Variants in PACSIN2 observed in about 807,000 individuals in gnomAD.
PACSIN2 encodes the protein protein kinase C and casein kinase substrate in neurons protein 2.
PACSIN2 carries 25 observed loss-of-function variants against 63.8 expected under a neutral mutation model. The ratio of observed to expected loss-of-function variants is 0.39; its 90% CI spans 0.29 to 0.55. The LOEUF is 0.55. Ranked by LOEUF, PACSIN2 falls within the 20% of genes least tolerant of loss-of-function variation. The pLI, the probability that PACSIN2 is intolerant of heterozygous loss-of-function variation, is 0.62. For synonymous variants in PACSIN2, 255 were observed against 256.2 expected (o/e 1.00, Z 0.05); for missense variants, 518 against 646.9 (o/e 0.80, Z 2.16).
At chr22:42,958,103 A>C (rs1933989544) in intron 1 of PACSIN2, among the ~76,000 whole-genome samples, 1 of 152,184 alleles carries the variant, frequency 6.6e-6, no homozygotes, top group African/African-American at 2.4e-5. Flanking sequence ...AGAAAAAAAA[A>C]ACACTCTTAG....
intron 1 of PACSIN2, among the ~76,000 whole-genome samples, chr22:43,005,797 G>T (rs1334267724): frequency 6.6e-6 from 1 of 152,112 alleles, no homozygotes; most frequent in African/African-American, 2.4e-5. Flanking sequence ...ATCCTATGAG[G>T]AAGGGCTCTC....
chr22:42,946,066 T>G (rs1339039359), intron 1 of PACSIN2, among the ~76,000 whole-genome samples: 1 of 152,154 alleles, frequency 6.6e-6, no homozygotes, highest in African/African-American at 2.4e-5. Flanking sequence ...CTCCACCCCT[T>G]CACACACACT....
chr22:42,892,369 C>T (rs980117624), intron 3 of PACSIN2, among the ~76,000 whole-genome samples: 1 of 152,150 alleles, frequency 6.6e-6, no homozygotes, highest in Non-Finnish European at 1.5e-5. Flanking sequence ...GACTCTGGGG[C>T]TTGGAGACAA....
intron 1 of PACSIN2, among the ~76,000 whole-genome samples, chr22:42,916,609 C>T (rs8142102): frequency 0.45 from 67,577 of 151,766 alleles, 15,578 homozygotes; most frequent in Non-Finnish European, 0.48. Flanking sequence ...CTCACCCTGA[C>T]AAGCCTCCCT....
intron 1 of PACSIN2, among the ~76,000 whole-genome samples, chr22:42,928,289 G>C (rs1361346563): frequency 2.0e-5 from 3 of 152,210 alleles, no homozygotes; most frequent in African/African-American, 7.2e-5. Context: ...TTCACGTGCT[G>C]AATCTGAGAG....
At chr22:43,013,671 A>G (rs1170551648) in intron 1 of PACSIN2, among the ~76,000 whole-genome samples, 1 of 152,234 alleles carries the variant, frequency 6.6e-6, no homozygotes, top group Admixed American at 6.5e-5. Flanking sequence ...ACTTCAGCAC[A>G]CGGGAATAAC....
At chr22:42,976,387 G>A (rs1289498328) in intron 1 of PACSIN2, among the ~76,000 whole-genome samples, 1 of 152,218 alleles carries the variant, frequency 6.6e-6, no homozygotes, top group Non-Finnish European at 1.5e-5. Flanking sequence ...TCCAGACAGA[G>A]CAGAGGCAAC....
At chr22:42,891,876 C>T (rs896038944) in intron 3 of PACSIN2, among the ~76,000 whole-genome samples, 8 of 152,242 alleles carry the variant, frequency 5.3e-5, no homozygotes, top group African/African-American at 1.7e-4. Context: ...CTTCTCCTGG[C>T]ATGGCTCCTA....
chr22:43,010,700 G>A lies in PACSIN2; in HGVS notation c.-78+4321C>T, dbSNP rs903407384. On this transcript the variant is annotated intron_variant, in intron 1 of 10. Coordinates refer to ENST00000263246, the MANE Select transcript of PACSIN2 (RefSeq NM_001184970.3). ...GCACTTCCAGCCTGGGCAACAAAGC[G>A]AGACTCCGTCTCAACAACAACAACA... Among the ~76,000 whole-genome samples, 29 of 152,120 alleles carry A rather than the reference G, an allele frequency of 1.9e-4. 1 individual carries two copies. The highest frequency in any genetic ancestry group is 6.8e-3 in the Middle Eastern group (2 of 294).
chr22:42,926,034 C>T (rs754718866), intron 1 of PACSIN2, among the ~76,000 whole-genome samples: 47 of 152,336 alleles, frequency 3.1e-4, no homozygotes, highest in Admixed American at 6.5e-4. Flanking sequence ...TAAGATAGTG[C>T]TTTGCACCAT....
At chr22:42,889,487 CACAG>C (rs975076092) in intron 4 of PACSIN2, among the ~76,000 whole-genome samples, 14 of 152,002 alleles carry the variant, frequency 9.2e-5, no homozygotes, top group Admixed American at 5.2e-4. Flanking sequence ...CCTCATGAGA[CACAG>C]ACAGTTTCAT....
intron 4 of PACSIN2, 67 bp from the exon 5 acceptor site, chr22:42,888,865 C>G: frequency 6.6e-7 from 1 of 1,523,044 alleles, no homozygotes; most frequent in South Asian, 1.1e-5. Context: ...AGAAGTCACA[C>G]AGACCATGGG....
At chr22:42,916,597 C>T (rs1931826219) in intron 1 of PACSIN2, among the ~76,000 whole-genome samples, 1 of 152,110 alleles carries the variant, frequency 6.6e-6, no homozygotes. Context: ...TGGCTCCCCG[C>T]TCTCACCCTG....
At chr22:42,899,919 G>A (rs1602208391) in intron 2 of PACSIN2, among the ~76,000 whole-genome samples, 3 of 152,340 alleles carry the variant, frequency 2.0e-5, no homozygotes, top group Admixed American at 2.0e-4. Flanking sequence ...TATGAGAGCA[G>A]ATGCTAACAA....
chr22:42,971,010 A>G (rs1921218774), intron 1 of PACSIN2, among the ~76,000 whole-genome samples: 1 of 152,154 alleles, frequency 6.6e-6, no homozygotes, highest in Non-Finnish European at 1.5e-5. Flanking sequence ...CTCACCACTC[A>G]GCAGTTTCTG....
chr22:43,010,398 A>ATATATATATATATATATTTTTTTTTT, intron 1 of PACSIN2, among the ~76,000 whole-genome samples: 17 of 126,406 alleles, frequency 1.3e-4, no homozygotes, highest in Non-Finnish European at 2.2e-4. Context: ...ATATATATAT[A>ATATATATATATATATATTTTTTTTTT]TTTTTTTTTA....
intron 4 of PACSIN2, among the ~76,000 whole-genome samples, chr22:42,890,112 C>T (rs1454790840): frequency 6.6e-6 from 1 of 151,690 alleles, no homozygotes; most frequent in African/African-American, 2.4e-5. Context: ...AGTGATTCTC[C>T]TCCCTCAGCC....
intron 7 of PACSIN2, among the ~76,000 whole-genome samples, chr22:42,881,734 G>C (rs750069529): frequency 2.6e-5 from 4 of 152,294 alleles, no homozygotes; most frequent in Non-Finnish European, 5.9e-5. Flanking sequence ...CTGGAGTAGG[G>C]AAAAGTCCTT....
At chr22:42,883,781 G>A (rs186738320) in intron 6 of PACSIN2, among the ~76,000 whole-genome samples, 9 of 152,274 alleles carry the variant, frequency 5.9e-5, no homozygotes, top group Admixed American at 1.3e-4. Context: ...CGAGGTGGGC[G>A]GATCACAAGG....
Sources: allele counts gnomAD v4.1 joint callset (sites outside exome capture counted in the v4.1 genomes callset), GRCh38; gene constraint gnomAD v4.1.1; transcripts MANE v1.5; gene names NCBI Gene and HGNC (gene_info 2026-07-23, HGNC 2026-07-21).